Variants in TENM3 observed in about 807,000 individuals in gnomAD.
TENM3 encodes teneurin transmembrane protein 3, also known as teneurin-3.
In TENM3, 63 loss-of-function variants were observed where a neutral mutation model predicts 255.1. The observed-to-expected ratio is 0.25, with a 90% confidence interval of 0.20 to 0.30. TENM3 has a LOEUF of 0.30. Ranked by LOEUF, TENM3 falls within the 10% of genes least tolerant of loss-of-function variation. TENM3 has a pLI of 1.00. For synonymous variants in TENM3, 1,306 were observed against 1,322.3 expected, an observed-to-expected ratio of 0.99 and a Z score of 0.27; for missense variants, 2,929 against 3,461.1, an observed-to-expected ratio of 0.85 and a Z score of 3.86.
the TENM3 span, among the ~76,000 whole-genome samples, chr4:182,038,133 TA>T: frequency 1.3e-5 from 2 of 152,206 alleles, no homozygotes; most frequent in African/African-American, 4.8e-5. Context: ...CATCTCAAGA[TA>T]GTCTATGCTA....
At chr4:181,815,123 A>G in the TENM3 span, among the ~76,000 whole-genome samples, 1 of 152,078 alleles carries the variant, frequency 6.6e-6, no homozygotes, top group Non-Finnish European at 1.5e-5. Context: ...AAATCATGTT[A>G]AAGAAATACA....
chr4:182,468,867 T>TGTGTGTGC lies in TENM3; in HGVS notation c.511+121942_511+121943insGTGCGTGT, dbSNP rs1428274660. Among the ~76,000 whole-genome samples the TGTGTGTGC allele has an allele frequency of 7.2e-5, 10 of 138,478 alleles. No homozygotes were observed. The East Asian group carries it at 1.9e-3, about 26-fold the overall frequency. The allele number at this position is 138,478 out of a possible 152,430, so 90.8% of individuals were successfully genotyped here. A position where few individuals can be genotyped will look rare whatever the true frequency, so the allele number is the denominator to read the frequency against. On this transcript the variant is annotated intron_variant, in intron 3 of 27. Transcript: ENST00000511685. The stretch of plus-strand genomic sequence containing the variant: ...GTGTGTGTGTGTGTGTGTGTGTGTG[T>TGTGTGTGC]GTGTATGTGCATGTTGATTAGGCTA...
At chr4:181,632,093 G>A in the TENM3 span, among the ~76,000 whole-genome samples, 10 of 152,184 alleles carry the variant, frequency 6.6e-5, no homozygotes, top group Admixed American at 2.6e-4. Flanking sequence ...AAGAACTACC[G>A]GAGACAGGGT....
At position 182,500,356 on chromosome 4, in the gene TENM3, A is replaced by G. The variant is rs1736194975; in HGVS notation, c.512-100568A>G. On this transcript the variant is annotated intron_variant, in intron 3 of 27. Coordinates refer to ENST00000511685, the MANE Select transcript of TENM3 (RefSeq NM_001080477.4). ...AAATTTAAAAAGGGACAATAGAAAAATGAGGAATTTGTAAGGGACATGGAT... is the reference window on the plus strand; with the variant it reads ...AAATTTAAAAAGGGACAATAGAAAAGTGAGGAATTTGTAAGGGACATGGAT... 2.0e-5 allele frequency among the ~76,000 whole-genome samples: 3 copies of G among 152,174 alleles called. 1 individual carries two copies. The South Asian group carries it at 6.2e-4, about 31-fold the overall frequency.
chr4:182,216,621 C>A (rs1312230056), intron 1 of TENM3, among the ~76,000 whole-genome samples: 1 of 152,350 alleles, frequency 6.6e-6, no homozygotes, highest in Middle Eastern at 3.4e-3. Flanking sequence ...TCTTTGGAAG[C>A]AAGCAATATA....
intron 3 of TENM3, among the ~76,000 whole-genome samples, chr4:182,539,177 A>G (rs563835245): frequency 2.0e-5 from 3 of 151,342 alleles, no homozygotes; most frequent in South Asian, 4.2e-4. Flanking sequence ...GAGAAGGTAC[A>G]AGCAGAAGGG....
chr4:181,625,522 A>G, the TENM3 span, among the ~76,000 whole-genome samples: 1 of 152,018 alleles, frequency 6.6e-6, no homozygotes, highest in Non-Finnish European at 1.5e-5. Context: ...TTGAAATAAT[A>G]TTGTATACTG....
chr4:182,270,786 C>A (rs1043516605), intron 1 of TENM3, among the ~76,000 whole-genome samples: 2 of 152,082 alleles, frequency 1.3e-5, no homozygotes, highest in East Asian at 1.9e-4. Flanking sequence ...CAGTCTGGAC[C>A]CTCTAAAGAT....
the TENM3 span, among the ~76,000 whole-genome samples, chr4:181,716,901 C>A: frequency 6.6e-6 from 1 of 152,172 alleles, no homozygotes; most frequent in Admixed American, 6.5e-5. Flanking sequence ...TCCCCCAATA[C>A]CTCACCAACA....
At chr4:182,588,471 T>A (rs1200224711) in intron 3 of TENM3, among the ~76,000 whole-genome samples, 1 of 152,186 alleles carries the variant, frequency 6.6e-6, no homozygotes, top group Non-Finnish European at 1.5e-5. Context: ...TTATATCATA[T>A]CATATATACT....
At chr4:182,185,355 T>TTGAAC (rs1198715810) in intron 1 of TENM3, among the ~76,000 whole-genome samples, 1 of 152,196 alleles carries the variant, frequency 6.6e-6, no homozygotes, top group African/African-American at 2.4e-5. Context: ...TTATCACTGT[T>TTGAAC]TGAACAGAAA....
At chr4:182,522,638 G>T (rs1054436098) in intron 3 of TENM3, among the ~76,000 whole-genome samples, 3 of 152,170 alleles carry the variant, frequency 2.0e-5, no homozygotes, top group Non-Finnish European at 4.4e-5. Context: ...GAACATGCAG[G>T]TTGGTTACAT....
At chr4:182,491,098 C>A (rs1735253785) in intron 3 of TENM3, among the ~76,000 whole-genome samples, 1 of 152,136 alleles carries the variant, frequency 6.6e-6, no homozygotes, top group Non-Finnish European at 1.5e-5. Flanking sequence ...TTTTTAAATA[C>A]TGTGTTTTGC....
intron 1 of TENM3, among the ~76,000 whole-genome samples, chr4:182,163,401 A>C (rs375407681): frequency 6.6e-6 from 1 of 152,260 alleles, no homozygotes; most frequent in East Asian, 1.9e-4. Flanking sequence ...CCCATCTCTT[A>C]GGTACAGTGT....
chr4:182,066,069 C>A, the TENM3 span, among the ~76,000 whole-genome samples: 1 of 152,098 alleles, frequency 6.6e-6, no homozygotes, highest in South Asian at 2.1e-4. Flanking sequence ...TTTTGATGAA[C>A]AGCTGAACGA....
chr4:182,683,836 A>G (rs975932233), intron 11 of TENM3, among the ~76,000 whole-genome samples: 1 of 152,172 alleles, frequency 6.6e-6, no homozygotes, highest in African/African-American at 2.4e-5. Context: ...TGATGACAGC[A>G]TGAATTGGCT....
At chr4:181,909,435 C>A in the TENM3 span, among the ~76,000 whole-genome samples, 18 of 152,240 alleles carry the variant, frequency 1.2e-4, no homozygotes, top group Admixed American at 1.1e-3. Context: ...GAGACACAGT[C>A]CCTACTCAGC....
chr4:181,937,030 G>A, the TENM3 span, among the ~76,000 whole-genome samples: 1 of 152,196 alleles, frequency 6.6e-6, no homozygotes, highest in South Asian at 2.1e-4. Flanking sequence ...ACATACAGTG[G>A]CCAGAATAGA....
chr4:182,053,237 A>G, the TENM3 span, among the ~76,000 whole-genome samples: 2 of 152,156 alleles, frequency 1.3e-5, no homozygotes, highest in Non-Finnish European at 2.9e-5. Flanking sequence ...TTGCAGTTGG[A>G]GGGCATATTT....
Sources: gnomAD v4.1 joint callset for allele counts (sites outside exome capture counted in the v4.1 genomes callset) on GRCh38, gnomAD v4.1.1 for gene constraint, MANE v1.5 for transcripts, NCBI Gene and HGNC (gene_info 2026-07-23, HGNC 2026-07-21) for gene names.